PPM1L: variants seen among roughly 807,000 people sequenced by gnomAD.
PPM1L encodes protein phosphatase 1L.
Under a neutral mutation model 31.4 loss-of-function variants are expected in PPM1L, and 13 were observed. The ratio of observed to expected loss-of-function variants is 0.41; its 90% confidence interval spans 0.27 to 0.66. The LOEUF (loss-of-function observed/expected upper bound fraction) is 0.66. Among genes scored for constraint, PPM1L ranks in the 30% least tolerant of loss-of-function variants. The probability of loss-of-function intolerance (pLI) is 0.29; values close to 1 mark genes in which losing one functional copy is unlikely to be tolerated. For synonymous variants in PPM1L, 184 were observed against 175.4 expected (o/e 1.05, Z -0.39); for missense variants, 326 against 453.7 (o/e 0.72, Z 2.56).
At chr3:161,043,444 C>T (rs528020247) in intron 2 of PPM1L, among the ~76,000 whole-genome samples, 6 of 152,226 alleles carry the variant, frequency 3.9e-5, no homozygotes, top group African/African-American at 9.6e-5. Flanking sequence ...TTCATTTAAA[C>T]GTTTGGGACT....
intron 2 of PPM1L, among the ~76,000 whole-genome samples, chr3:161,004,819 G>A (rs1032083108): frequency 6.6e-6 from 1 of 151,880 alleles, no homozygotes. Context: ...TTTTTGAAGG[G>A]TTTTTTGTAT....
chr3:160,862,699 CACACAA>C lies in PPM1L; in HGVS notation c.400-99035_400-99030del, dbSNP rs1430166284. ...ACACACACACACACACACACACACA[CACACAA>C]AATTCTGAAACCCTAATACTGTCAA... On this transcript the variant is annotated intron_variant, in intron 1 of 3. Transcript: ENST00000498165. Among the ~76,000 whole-genome samples, 250 of 137,562 alleles carry C rather than the reference CACACAA, an allele frequency of 1.8e-3. 3 individuals carry two copies. The highest frequency in any genetic ancestry group is 6.2e-3 in the African/African-American group (185 of 29,646). The allele number at this position is 137,562 out of a possible 152,430, so 90.2% of individuals were successfully genotyped here.
At chr3:160,926,801 G>A (rs890988346) in intron 1 of PPM1L, among the ~76,000 whole-genome samples, 2 of 152,176 alleles carry the variant, frequency 1.3e-5, no homozygotes, top group African/African-American at 4.8e-5. Context: ...TAGTTAGTTG[G>A]TCATTATGAT....
At chr3:160,895,535 T>C (rs992224483) in intron 1 of PPM1L, among the ~76,000 whole-genome samples, 2 of 152,170 alleles carry the variant, frequency 1.3e-5, no homozygotes, top group African/African-American at 4.8e-5. Flanking sequence ...TGTTTTAATT[T>C]GGGTCATCAC....
At chr3:160,975,061 G>A (rs888676598) in intron 2 of PPM1L, among the ~76,000 whole-genome samples, 1 of 151,498 alleles carries the variant, frequency 6.6e-6, no homozygotes, top group African/African-American at 2.4e-5. Flanking sequence ...AAGGTGTAAG[G>A]AAGGGATCCA....
chr3:160,901,051 A>G (rs907018103), intron 1 of PPM1L, among the ~76,000 whole-genome samples: 3 of 152,076 alleles, frequency 2.0e-5, no homozygotes, highest in Non-Finnish European at 2.9e-5. Flanking sequence ...CCAGTTTCTT[A>G]ATGTTAGGCT....
At chr3:160,979,093 A>C (rs1358985778) in intron 2 of PPM1L, among the ~76,000 whole-genome samples, 1 of 152,040 alleles carries the variant, frequency 6.6e-6, no homozygotes, top group African/African-American at 2.4e-5. Flanking sequence ...TCAACAGGAC[A>C]GGATCCTAAC....
chr3:160,870,211 A>C (rs1712253983), intron 1 of PPM1L, among the ~76,000 whole-genome samples: 1 of 152,174 alleles, frequency 6.6e-6, no homozygotes, highest in African/African-American at 2.4e-5. Flanking sequence ...CTCATAGGAC[A>C]GAGTGCTATA....
chr3:160,928,458 T>A (rs1466377256), intron 1 of PPM1L, among the ~76,000 whole-genome samples: 5 of 152,222 alleles, frequency 3.3e-5, no homozygotes, highest in African/African-American at 1.2e-4. Flanking sequence ...ACAGGCGTTT[T>A]TCTCTAGTAT....
rs941290812 is a variant in PPM1L at position 161,076,489 on chromosome 3, G to C, written c.*7332G>C. 2 of 152,138 alleles carry C rather than the reference G, an allele frequency of 1.3e-5. No individual in the cohort carries two copies. The highest frequency in any genetic ancestry group is 2.4e-5 in the African/African-American group (1 of 41,434). The allele number at this position is 152,138 out of a possible 1,614,324, so 9.4% of individuals were successfully genotyped here. Reference sequence around the variant, plus strand: ...ACCATGGAGAAAACCCATAACTTTTGCTTCTATTATAGAAAGCAGTGTTTG... The same window carrying C: ...ACCATGGAGAAAACCCATAACTTTTCCTTCTATTATAGAAAGCAGTGTTTG... On this transcript the variant is annotated 3_prime_UTR_variant, in exon 4 of 4. Transcript: ENST00000498165.
intron 1 of PPM1L, among the ~76,000 whole-genome samples, chr3:160,778,104 C>CT (rs1711613591): frequency 6.6e-6 from 1 of 152,066 alleles, no homozygotes; most frequent in Admixed American, 6.6e-5. Flanking sequence ...TGCATTTTCT[C>CT]TAATGATTTG....
At chr3:160,998,918 A>G (rs1354295563) in intron 2 of PPM1L, among the ~76,000 whole-genome samples, 2 of 152,158 alleles carry the variant, frequency 1.3e-5, no homozygotes, top group Non-Finnish European at 1.5e-5. Context: ...TTGACCTGGT[A>G]AAGAGAATGG....
chr3:161,024,906 GA>G (rs1718336193), intron 2 of PPM1L, among the ~76,000 whole-genome samples: 1 of 152,184 alleles, frequency 6.6e-6, no homozygotes, highest in East Asian at 1.9e-4. Context: ...GAGTTGGCTA[GA>G]GAGGAATGAG....
chr3:160,837,927 T>C (rs561222409), intron 1 of PPM1L, among the ~76,000 whole-genome samples: 2 of 152,294 alleles, frequency 1.3e-5, no homozygotes, highest in Non-Finnish European at 2.9e-5. Context: ...TATTTTTATT[T>C]TGTACTGGGC....
intron 1 of PPM1L, among the ~76,000 whole-genome samples, chr3:160,797,469 A>T (rs1435057622): frequency 1.3e-5 from 2 of 152,216 alleles, no homozygotes; most frequent in Non-Finnish European, 2.9e-5. Flanking sequence ...GTTCAAGTGA[A>T]AGGAAGAATC....
At chr3:161,061,085 A>G (rs767195565) in intron 2 of PPM1L, among the ~76,000 whole-genome samples, 1 of 152,092 alleles carries the variant, frequency 6.6e-6, no homozygotes, top group Non-Finnish European at 1.5e-5. Flanking sequence ...ATTGTAAACT[A>G]TCTGTTATAA....
At chr3:160,977,476 T>C (rs1716632718) in intron 2 of PPM1L, among the ~76,000 whole-genome samples, 1 of 152,362 alleles carries the variant, frequency 6.6e-6, no homozygotes, top group South Asian at 2.1e-4. Flanking sequence ...CTTTGACTTC[T>C]GTATCTATGA....
intron 2 of PPM1L, among the ~76,000 whole-genome samples, chr3:160,985,688 A>G (rs1716939231): frequency 1.3e-5 from 2 of 152,112 alleles, no homozygotes; most frequent in Admixed American, 1.3e-4. Flanking sequence ...TTCCTTGAAG[A>G]TGTCTTATGT....
intron 2 of PPM1L, among the ~76,000 whole-genome samples, chr3:161,044,684 C>A (rs1378602819): frequency 1.3e-5 from 2 of 152,116 alleles, no homozygotes; most frequent in Non-Finnish European, 2.9e-5. Flanking sequence ...AATGTAAAGA[C>A]CATCGATGCT....
Sources: allele counts gnomAD v4.1 joint callset (sites outside exome capture counted in the v4.1 genomes callset), GRCh38; gene constraint gnomAD v4.1.1; transcripts MANE v1.5; gene names NCBI Gene and HGNC (gene_info 2026-07-23, HGNC 2026-07-21).